Variants in ATP6V1H observed in about 807,000 individuals in gnomAD.
The protein encoded by ATP6V1H is V-type proton ATPase subunit H.
ATP6V1H carries 39 observed loss-of-function variants against 71.7 expected under a neutral mutation model. The ratio of observed to expected loss-of-function variants is 0.54; its 90% CI spans 0.42 to 0.71. ATP6V1H has a LOEUF of 0.71. Ranked by LOEUF, ATP6V1H falls within the 30% of genes least tolerant of loss-of-function variation. The probability of loss-of-function intolerance (pLI) is 0.00; values close to 1 mark genes in which losing one functional copy is unlikely to be tolerated. For synonymous variants in ATP6V1H, 192 were observed against 199.3 expected (o/e 0.96, Z 0.31); for missense variants, 509 against 594.9 (o/e 0.86, Z 1.50).
chr8:53,801,909 A>T lies in ATP6V1H; in HGVS notation c.580-13T>A, dbSNP rs760460241. 1 of 1,608,802 alleles carries T rather than the reference A, an allele frequency of 6.2e-7. No individual in the cohort carries two copies. Among genetic ancestry groups the T allele is most frequent in the East Asian group, 2.2e-5 (1 of 44,822 alleles). The stretch of plus-strand genomic sequence containing the variant: ...CATACTGCGAACTCTGCACAAGAAG[A>T]AGTGTTGAGTTTTTAAATGGGAAGC... On this transcript the variant is annotated splice_polypyrimidine_tract_variant and intron_variant, in intron 7 of 13. Transcript: ENST00000359530.
intron 9 of ATP6V1H, among the ~76,000 whole-genome samples, chr8:53,783,342 A>G (rs564895281): frequency 6.1e-4 from 93 of 152,276 alleles, no homozygotes; most frequent in Admixed American, 2.0e-3. Context: ...AGGTGTTTAT[A>G]GTATTCTCTG....
intron 6 of ATP6V1H, 137 bp from the exon 7 acceptor site, chr8:53,811,354 C>T: frequency 1.6e-6 from 1 of 637,030 alleles, no homozygotes; most frequent in Non-Finnish European, 2.7e-6. Context: ...ATTCCTAATC[C>T]TACTAAATAA....
chr8:53,755,721 T>C (rs1180344264), intron 12 of ATP6V1H, among the ~76,000 whole-genome samples: 1 of 7,964 alleles, frequency 1.3e-4, no homozygotes, highest in Non-Finnish European at 2.4e-4. Flanking sequence ...TATATATATA[T>C]ATATATATAT....
At chr8:53,733,530 G>T (rs1426448178) in intron 13 of ATP6V1H, among the ~76,000 whole-genome samples, 1 of 152,196 alleles carries the variant, frequency 6.6e-6, no homozygotes, top group Non-Finnish European at 1.5e-5. Flanking sequence ...TGGGTATAAG[G>T]TGTCCAAAAA....
chr8:53,784,540 G>A (rs1436133505), intron 9 of ATP6V1H, among the ~76,000 whole-genome samples: 1 of 152,092 alleles, frequency 6.6e-6, no homozygotes, highest in African/African-American at 2.4e-5. Flanking sequence ...CATTTACATT[G>A]AAGGTTAATA....
intron 12 of ATP6V1H, among the ~76,000 whole-genome samples, chr8:53,750,413 C>T (rs984862545): frequency 2.0e-5 from 3 of 152,154 alleles, no homozygotes; most frequent in Admixed American, 6.5e-5. Flanking sequence ...ATTCAGTACA[C>T]TAAATCCTCA....
chr8:53,733,635 T>G (rs2130139022), intron 13 of ATP6V1H, among the ~76,000 whole-genome samples: 1 of 152,346 alleles, frequency 6.6e-6, no homozygotes, highest in East Asian at 1.9e-4. Flanking sequence ...GCAGGTCATT[T>G]GCAACCTACC....
At position 53,715,943 on chromosome 8, in the gene ATP6V1H, A is replaced by AG; in HGVS notation, c.*20dup. ...CACTACTGGTTCTGCATTGAGGCGG[A>AG]GGGGAAGGCCAGAGGCAGGCTTAGC... On this transcript the variant is annotated 3_prime_UTR_variant, in exon 14 of 14. Coordinates refer to ENST00000359530, the MANE Select transcript of ATP6V1H (RefSeq NM_015941.4). The AG allele has an allele frequency of 6.2e-7, 1 of 1,605,934 alleles. No individual in the cohort carries two copies. Among genetic ancestry groups the AG allele is most frequent in the Non-Finnish European group, 8.5e-7 (1 of 1,176,338 alleles).
chr8:53,841,460 G>A, intron 2 of ATP6V1H, 118 bp downstream of exon 2: 3 of 1,193,642 alleles, frequency 2.5e-6, no homozygotes, highest in Non-Finnish European at 1.2e-6. Context: ...TGAAGAGGAA[G>A]TGTTTCTTCC....
chr8:53,829,535 T>C lies in ATP6V1H; in HGVS notation c.217-2A>G. ...CAGATTTATAAATGTTTTAGCACAC[T>C]AAAAAAAAAAATGAAATTAAAGTTA... On this transcript the variant is annotated splice_acceptor_variant, in intron 3 of 13. Transcript: ENST00000359530. LOFTEE classifies it high-confidence loss of function. 1.6e-6 allele frequency: 2 copies of C among 1,229,656 alleles called. No homozygotes were observed. Among genetic ancestry groups the C allele is most frequent in the Non-Finnish European group, 2.2e-6 (2 of 907,696 alleles). The allele number at this position is 1,229,656 out of a possible 1,614,324, so 76.2% of individuals were successfully genotyped here.
Position 53,772,051 on chromosome 8 carries a change from T to C in ATP6V1H, c.987A>G (p.Glu329=). Residue 329 remains glutamate, a synonymous_variant, in exon 10 of 14, where the codon GAA becomes GAG. Transcript: ENST00000359530. The part of the protein sequence containing the change: ...ENLEQQKYDD[E]DISEDIKFLL... The stretch of plus-strand genomic sequence containing the variant: ...GAAATTTGATATCTTCGCTGATATC[T>C]TCATCATCGTACTTCTGCTGTTCCA... 6.2e-7 allele frequency: 1 copy of C among 1,614,100 alleles called. No individual in the cohort carries two copies. The highest frequency in any genetic ancestry group is 8.5e-7 in the Non-Finnish European group (1 of 1,179,954).
At chr8:53,727,077 TAGA>T (rs1324691474) in intron 13 of ATP6V1H, among the ~76,000 whole-genome samples, 1 of 152,246 alleles carries the variant, frequency 6.6e-6, no homozygotes, top group Non-Finnish European at 1.5e-5. Flanking sequence ...GTCTCACTAG[TAGA>T]AGGAGTATCG....
At chr8:53,741,402 C>T (rs541107432) in intron 13 of ATP6V1H, among the ~76,000 whole-genome samples, 3 of 152,258 alleles carry the variant, frequency 2.0e-5, no homozygotes, top group South Asian at 2.1e-4. Flanking sequence ...AAGAGAAATA[C>T]GCTAATAAAA....
intron 9 of ATP6V1H, among the ~76,000 whole-genome samples, chr8:53,777,414 G>C (rs921144027): frequency 8.6e-5 from 13 of 151,002 alleles, no homozygotes; most frequent in Admixed American, 5.3e-4. Flanking sequence ...CTGAGAGAGA[G>C]CATTAAAAAA....
chr8:53,811,368 GC>G (rs1329037429), intron 6 of ATP6V1H, 151 bp from the exon 7 acceptor site: 1 of 594,706 alleles, frequency 1.7e-6, no homozygotes, highest in African/African-American at 1.9e-5. Flanking sequence ...TAAATAAAAA[GC>G]AAGGGGATGA....
intron 7 of ATP6V1H, among the ~76,000 whole-genome samples, chr8:53,806,487 T>A (rs766877955): frequency 6.6e-6 from 1 of 152,048 alleles, no homozygotes; most frequent in Non-Finnish European, 1.5e-5. Context: ...AATTTATAAA[T>A]CTTCAAAGTA....
intron 8 of ATP6V1H, among the ~76,000 whole-genome samples, chr8:53,799,658 T>C (rs1339641466): frequency 6.6e-6 from 1 of 152,156 alleles, no homozygotes; most frequent in East Asian, 1.9e-4. Flanking sequence ...AATGTCTGTG[T>C]CCCTCCAAAA....
intron 12 of ATP6V1H, among the ~76,000 whole-genome samples, chr8:53,750,057 G>C (rs1426486160): frequency 6.6e-6 from 1 of 152,184 alleles, no homozygotes; most frequent in Admixed American, 6.5e-5. Flanking sequence ...TTGATTCTCA[G>C]AATCATGTTA....
chr8:53,748,579 A>G (rs1324792136), intron 12 of ATP6V1H, among the ~76,000 whole-genome samples: 1 of 152,204 alleles, frequency 6.6e-6, no homozygotes, highest in Non-Finnish European at 1.5e-5. Flanking sequence ...ATAGCATTAA[A>G]CCATATTTTT....
Sources: gnomAD v4.1 joint callset for allele counts (sites outside exome capture counted in the v4.1 genomes callset) on GRCh38, gnomAD v4.1.1 for gene constraint, MANE v1.5 for transcripts, NCBI Gene and HGNC (gene_info 2026-07-23, HGNC 2026-07-21) for gene names.